Variants in SLC24A2 observed in about 807,000 individuals in gnomAD.
SLC24A2 encodes sodium/potassium/calcium exchanger 2.
In SLC24A2, 36 loss-of-function variants were observed where a neutral mutation model predicts 62.0. The observed-to-expected ratio is 0.58, with a 90% confidence interval of 0.44 to 0.77. The LOEUF (loss-of-function observed/expected upper bound fraction) is 0.77, where lower values mean the gene tolerates loss of function less well. SLC24A2 is among the 30% of genes least tolerant of loss of function. SLC24A2 has a pLI of 0.00. For missense variants in SLC24A2, 846 were observed against 817.9 expected (o/e 1.03, Z -0.42); for synonymous variants, 358 against 294.0 (o/e 1.22, Z -2.23).
At chr9:19,805,627 T>G in the SLC24A2 span, among the ~76,000 whole-genome samples, 1 of 152,158 alleles carries the variant, frequency 6.6e-6, no homozygotes, top group Non-Finnish European at 1.5e-5. Context: ...AGTGAATGAA[T>G]TCAATCCCTT....
At chr9:20,294,310 T>C in the SLC24A2 span, among the ~76,000 whole-genome samples, 1 of 152,094 alleles carries the variant, frequency 6.6e-6, no homozygotes, top group African/African-American at 2.4e-5. Context: ...TCCACGTGAC[T>C]GCTCATCACG....
At chr9:20,015,726 G>C in the SLC24A2 span, among the ~76,000 whole-genome samples, 1 of 152,190 alleles carries the variant, frequency 6.6e-6, no homozygotes, top group African/African-American at 2.4e-5. Context: ...ACAGGAAATG[G>C]GTGGTGGATA....
intron 4 of SLC24A2, among the ~76,000 whole-genome samples, chr9:19,618,013 G>T (rs1817813675): frequency 6.6e-6 from 1 of 152,196 alleles, no homozygotes; most frequent in Non-Finnish European, 1.5e-5. Flanking sequence ...CCATGTTGGT[G>T]GTGCTATATT....
At chr9:20,155,893 C>T in the SLC24A2 span, among the ~76,000 whole-genome samples, 1 of 151,770 alleles carries the variant, frequency 6.6e-6, no homozygotes, top group African/African-American at 2.4e-5. Flanking sequence ...TGACAAATTA[C>T]TATCTGCTTT....
chr9:20,207,753 C>A, the SLC24A2 span, among the ~76,000 whole-genome samples: 1 of 152,212 alleles, frequency 6.6e-6, no homozygotes, highest in Non-Finnish European at 1.5e-5. Context: ...TTTCATTGAA[C>A]ACTTACATGT....
the SLC24A2 span, among the ~76,000 whole-genome samples, chr9:19,906,527 A>C: frequency 6.6e-6 from 1 of 152,144 alleles, no homozygotes; most frequent in Non-Finnish European, 1.5e-5. Flanking sequence ...CAAAAAATCA[A>C]TGAATCCAGG....
At chr9:19,552,687 A>G (rs1225605499) in intron 7 of SLC24A2, among the ~76,000 whole-genome samples, 2 of 152,162 alleles carry the variant, frequency 1.3e-5, no homozygotes, top group Non-Finnish European at 2.9e-5. Context: ...CCTTTTTCTG[A>G]TAAAACACAA....
the SLC24A2 span, among the ~76,000 whole-genome samples, chr9:20,199,515 T>G: frequency 6.6e-6 from 1 of 152,188 alleles, no homozygotes; most frequent in Non-Finnish European, 1.5e-5. Flanking sequence ...TGAGAGTGTT[T>G]TAAATTTTTA....
At chr9:19,560,152 T>C (rs1020350713) in intron 7 of SLC24A2, among the ~76,000 whole-genome samples, 23 of 152,138 alleles carry the variant, frequency 1.5e-4, no homozygotes, top group African/African-American at 4.8e-4. Context: ...TTTTCTTCTT[T>C]GAAAAGGTAT....
At chr9:19,983,399 C>T in the SLC24A2 span, among the ~76,000 whole-genome samples, 1 of 152,160 alleles carries the variant, frequency 6.6e-6, no homozygotes, top group African/African-American at 2.4e-5. Context: ...AATCCCAGCA[C>T]TTTGGGAGGC....
chr9:20,058,944 A>G, the SLC24A2 span, among the ~76,000 whole-genome samples: 1 of 152,302 alleles, frequency 6.6e-6, no homozygotes, highest in East Asian at 1.9e-4. Context: ...ATGCTGTTGT[A>G]GTTGCACACT....
chr9:19,556,454 T>G (rs915852758), intron 7 of SLC24A2, among the ~76,000 whole-genome samples: 1 of 152,168 alleles, frequency 6.6e-6, no homozygotes, highest in Non-Finnish European at 1.5e-5. Flanking sequence ...ATCTCTCCTA[T>G]CAGAGAATTA....
chr9:19,577,129 C>T (rs934266341), intron 5 of SLC24A2, 107 bp from the exon 6 acceptor site: 2 of 861,822 alleles, frequency 2.3e-6, no homozygotes, highest in Admixed American at 1.7e-5. Context: ...ATAGCGTGAC[C>T]ACTCCATTCT....
intron 2 of SLC24A2, among the ~76,000 whole-genome samples, chr9:19,763,109 T>G (rs753092344): frequency 3.3e-5 from 5 of 152,170 alleles, no homozygotes; most frequent in Non-Finnish European, 7.3e-5. Context: ...GCTCATGATT[T>G]GGCTGTTTGT....
intron 5 of SLC24A2, among the ~76,000 whole-genome samples, chr9:19,590,071 AG>A (rs1286520555): frequency 6.6e-6 from 1 of 152,138 alleles, no homozygotes; most frequent in African/African-American, 2.4e-5. Context: ...TAGACTTAAG[AG>A]GGTCCCCAAA....
intron 4 of SLC24A2, among the ~76,000 whole-genome samples, chr9:19,613,462 G>A (rs1817682597): frequency 6.6e-6 from 1 of 152,072 alleles, no homozygotes. Context: ...GGTGGAGAGA[G>A]GAAGATATCA....
At chr9:19,670,692 G>C (rs1259131266) in intron 2 of SLC24A2, among the ~76,000 whole-genome samples, 1 of 152,162 alleles carries the variant, frequency 6.6e-6, no homozygotes, top group Non-Finnish European at 1.5e-5. Flanking sequence ...AACATTCCCA[G>C]GCCCATAAAT....
At chr9:20,220,312 G>C in the SLC24A2 span, among the ~76,000 whole-genome samples, 1 of 152,050 alleles carries the variant, frequency 6.6e-6, no homozygotes, top group Non-Finnish European at 1.5e-5. Context: ...AAAAGGGCTT[G>C]GTGGAAAAGT....
chr9:20,013,559 T>C, the SLC24A2 span, among the ~76,000 whole-genome samples: 1 of 152,080 alleles, frequency 6.6e-6, no homozygotes, highest in African/African-American at 2.4e-5. Context: ...AATTGACAAA[T>C]GAGATGGCAT....
Sources: allele counts gnomAD v4.1 joint callset (sites outside exome capture counted in the v4.1 genomes callset), GRCh38; gene constraint gnomAD v4.1.1; transcripts MANE v1.5; gene names NCBI Gene and HGNC (gene_info 2026-07-23, HGNC 2026-07-21).